Variants in ADORA2B observed in about 807,000 individuals in gnomAD.
The protein encoded by ADORA2B is adenosine receptor A2b.
ADORA2B carries 18 observed loss-of-function variants against 20.8 expected under a neutral mutation model. That is an observed-to-expected ratio of 0.87 (90% CI 0.60 to 1.29). ADORA2B has a LOEUF of 1.29. Among genes scored for constraint, ADORA2B ranks in the 50% most tolerant of loss-of-function variants. ADORA2B has a pLI of 0.00. For missense variants in ADORA2B, 441 were observed against 422.7 expected (o/e 1.04, Z -0.38); for synonymous variants, 179 against 178.3 (o/e 1.00, Z -0.03).
upstream of ADORA2B, among the ~76,000 whole-genome samples, chr17:15,940,211 G>A (rs1330972072): frequency 6.6e-6 from 1 of 152,214 alleles, no homozygotes; most frequent in Non-Finnish European, 1.5e-5. Context: ...TTGGGAACAT[G>A]CGATTTGTGT....
chr17:15,871,059 C>CA, the ADORA2B span, among the ~76,000 whole-genome samples: 2 of 152,192 alleles, frequency 1.3e-5, no homozygotes, highest in African/African-American at 4.8e-5. Context: ...TTGTGGGAGA[C>CA]ACAGTCCTCT....
chr17:15,891,100 C>G, the ADORA2B span, among the ~76,000 whole-genome samples: 1 of 152,168 alleles, frequency 6.6e-6, no homozygotes, highest in Non-Finnish European at 1.5e-5. Flanking sequence ...AACCCCATCT[C>G]TACTAAAAAT....
At chr17:15,926,796 C>T in the ADORA2B span, among the ~76,000 whole-genome samples, 4 of 152,004 alleles carry the variant, frequency 2.6e-5, no homozygotes, top group Non-Finnish European at 4.4e-5. Context: ...TAGTGAAACT[C>T]CATCTTTACA....
chr17:15,933,551 G>A, the ADORA2B span, among the ~76,000 whole-genome samples: 2 of 151,258 alleles, frequency 1.3e-5, no homozygotes, highest in African/African-American at 4.9e-5. Flanking sequence ...TTTTGTTTTT[G>A]ATGCTAATGT....
chr17:15,907,067 C>T, the ADORA2B span, among the ~76,000 whole-genome samples: 58 of 152,302 alleles, frequency 3.8e-4, no homozygotes, highest in African/African-American at 1.3e-3. Flanking sequence ...AAATAGCATG[C>T]CCAGTTCTTC....
intron 1 of ADORA2B, 122 bp downstream of exon 1, chr17:15,945,705 C>A: frequency 1.0e-6 from 1 of 953,196 alleles, no homozygotes; most frequent in Non-Finnish European, 1.5e-6. Flanking sequence ...GCGCGCGGGG[C>A]GCTTGGAGGG....
At chr17:15,931,091 A>T in the ADORA2B span, among the ~76,000 whole-genome samples, 4 of 152,190 alleles carry the variant, frequency 2.6e-5, no homozygotes, top group Non-Finnish European at 4.4e-5. Flanking sequence ...CTGAGACAGG[A>T]GGATCGCTTG....
chr17:15,912,342 T>C, the ADORA2B span, among the ~76,000 whole-genome samples: 1 of 151,700 alleles, frequency 6.6e-6, no homozygotes. Flanking sequence ...ATTGCACCAC[T>C]GCACTCCCAC....
At chr17:15,964,765 TAA>T (rs759478919) in intron 1 of ADORA2B, among the ~76,000 whole-genome samples, 185 of 146,346 alleles carry the variant, frequency 1.3e-3, no homozygotes, top group Admixed American at 2.7e-3. Flanking sequence ...AGATGAATAT[TAA>T]AAAAAAAAAT....
intron 1 of ADORA2B, among the ~76,000 whole-genome samples, chr17:15,951,804 T>A (rs1969906251): frequency 6.6e-6 from 1 of 152,056 alleles, no homozygotes; most frequent in Non-Finnish European, 1.5e-5. Flanking sequence ...GAGGTGGACT[T>A]GGTGTGCGTG....
chr17:15,942,842 G>A (rs899716303), upstream of ADORA2B, among the ~76,000 whole-genome samples: 1 of 152,094 alleles, frequency 6.6e-6, no homozygotes, highest in African/African-American at 2.4e-5. Context: ...TCACTCTCCT[G>A]GGCATGGCAC....
chr17:15,854,971 C>T, the ADORA2B span, among the ~76,000 whole-genome samples: 1 of 151,608 alleles, frequency 6.6e-6, no homozygotes, highest in Admixed American at 6.6e-5. Context: ...TGCTCGTTGC[C>T]CTGGCTAGAG....
At chr17:15,912,040 C>A in the ADORA2B span, among the ~76,000 whole-genome samples, 1 of 152,100 alleles carries the variant, frequency 6.6e-6, no homozygotes, top group Admixed American at 6.5e-5. Flanking sequence ...TGGCAAAACC[C>A]CATCTCTACT....
intron 1 of ADORA2B, among the ~76,000 whole-genome samples, chr17:15,954,767 A>G (rs552675281): frequency 6.6e-6 from 1 of 152,262 alleles, no homozygotes; most frequent in African/African-American, 2.4e-5. Context: ...ACCCTGTCTC[A>G]AAAAAAATTT....
At chr17:15,904,393 T>A in the ADORA2B span, among the ~76,000 whole-genome samples, 5 of 117,810 alleles carry the variant, frequency 4.2e-5, no homozygotes, top group African/African-American at 3.0e-4. Flanking sequence ...TACTTCTGCT[T>A]TTTTTTTTTT....
the ADORA2B span, among the ~76,000 whole-genome samples, chr17:15,933,783 T>TAG: frequency 1.6e-4 from 23 of 144,980 alleles, no homozygotes; most frequent in African/African-American, 5.9e-4. Context: ...TGTATATATA[T>TAG]ATATATAGAG....
the ADORA2B span, among the ~76,000 whole-genome samples, chr17:15,874,919 A>G: frequency 6.6e-6 from 1 of 152,198 alleles, no homozygotes; most frequent in Non-Finnish European, 1.5e-5. Flanking sequence ...GATTATACAC[A>G]TTCCCAATAC....
the ADORA2B span, among the ~76,000 whole-genome samples, chr17:15,921,392 A>C: frequency 6.6e-6 from 1 of 152,186 alleles, no homozygotes; most frequent in Non-Finnish European, 1.5e-5. Flanking sequence ...ATCCCTCTTG[A>C]TGGTTGCTGT....
the ADORA2B span, among the ~76,000 whole-genome samples, chr17:15,879,245 G>T: frequency 6.6e-6 from 1 of 152,098 alleles, no homozygotes; most frequent in South Asian, 2.1e-4. Context: ...GAGGCCAGGA[G>T]TTTGAGACCA....
Sources: gnomAD v4.1 joint callset for allele counts (sites outside exome capture counted in the v4.1 genomes callset) on GRCh38, gnomAD v4.1.1 for gene constraint, MANE v1.5 for transcripts, NCBI Gene and HGNC (gene_info 2026-07-23, HGNC 2026-07-21) for gene names.